The following IGFL2 variants were observed in gnomAD, a reference collection of about 807,000 sequenced individuals.
IGFL2 encodes insulin growth factor-like family member 2.
In IGFL2, 7 loss-of-function variants were observed where a neutral mutation model predicts 13.9. The observed-to-expected ratio is 0.51, with a 90% CI of 0.29 to 0.95. IGFL2 has a LOEUF of 0.95. IGFL2 is among the 40% of genes least tolerant of loss of function. The pLI is 0.08. For missense variants in IGFL2, 138 were observed against 147.8 expected (o/e 0.93, Z 0.34); for synonymous variants, 55 against 55.8 (o/e 0.99, Z 0.07).
At chr19:46,141,224 G>A (rs551369996), upstream of IGFL2, among the ~76,000 whole-genome samples, 113 of 152,236 alleles carry the variant, frequency 7.4e-4, no homozygotes, top group African/African-American at 2.5e-3. Flanking sequence ...TCACTGCCAG[G>A]CCAGCAAAAA....
the IGFL2 span, among the ~76,000 whole-genome samples, chr19:46,109,586 G>A: frequency 1.0e-3 from 153 of 152,250 alleles, no homozygotes; most frequent in African/African-American, 3.5e-3. Flanking sequence ...AAAGTGCTGG[G>A]ATTACAGGCG....
the IGFL2 span, among the ~76,000 whole-genome samples, chr19:46,191,592 G>C: frequency 2.0e-5 from 3 of 152,152 alleles, no homozygotes; most frequent in African/African-American, 7.2e-5. Flanking sequence ...CTCACCACCT[G>C]CAAGGAACAG....
chr19:46,088,245 A>G, the IGFL2 span, among the ~76,000 whole-genome samples: 1 of 152,212 alleles, frequency 6.6e-6, no homozygotes, highest in African/African-American at 2.4e-5. Flanking sequence ...TCTCCATAAA[A>G]GAGGCAAGTA....
chr19:46,092,457 C>A, the IGFL2 span, among the ~76,000 whole-genome samples: 1 of 151,880 alleles, frequency 6.6e-6, no homozygotes, highest in East Asian at 1.9e-4. Flanking sequence ...ATGGTAAAAC[C>A]CTGCCTGTAC....
chr19:46,182,953 A>G, the IGFL2 span, among the ~76,000 whole-genome samples: 120 of 151,518 alleles, frequency 7.9e-4, 2 homozygotes, highest in Middle Eastern at 0.017. Flanking sequence ...ACTCTTCTCA[A>G]TGCTTCCCAC....
At chr19:46,178,449 C>T in the IGFL2 span, among the ~76,000 whole-genome samples, 3 of 152,070 alleles carry the variant, frequency 2.0e-5, no homozygotes, top group Non-Finnish European at 4.4e-5. Context: ...TAAAATGGCC[C>T]TACAAAGCCA....
chr19:46,103,728 G>A, the IGFL2 span, among the ~76,000 whole-genome samples: 28 of 152,278 alleles, frequency 1.8e-4, no homozygotes, highest in Middle Eastern at 3.4e-3. Flanking sequence ...GGGTGAATGC[G>A]TAAAGCTTTG....
At chr19:46,198,469 G>T in the IGFL2 span, 1 of 151,914 alleles carries the variant, frequency 6.6e-6, no homozygotes, top group Non-Finnish European at 1.5e-5. Context: ...ATTCTGCCTC[G>T]GTATGTGGCT....
chr19:46,185,816 G>A, the IGFL2 span, among the ~76,000 whole-genome samples: 1 of 152,114 alleles, frequency 6.6e-6, no homozygotes, highest in Non-Finnish European at 1.5e-5. Flanking sequence ...TACTGAAGTT[G>A]TCGACAGAGG....
chr19:46,214,126 A>T, the IGFL2 span: 1 of 152,364 alleles, frequency 6.6e-6, no homozygotes, highest in Non-Finnish European at 1.5e-5. Context: ...ACCTTCCCCC[A>T]ACGCGAGGTA....
the IGFL2 span, among the ~76,000 whole-genome samples, chr19:46,192,451 G>A: frequency 1.4e-5 from 2 of 144,880 alleles, no homozygotes; most frequent in East Asian, 2.0e-4. Flanking sequence ...ATGGAGTCTC[G>A]CTCTGTCACC....
chr19:46,201,011 T>C, the IGFL2 span, among the ~76,000 whole-genome samples: 2 of 152,224 alleles, frequency 1.3e-5, no homozygotes, highest in Admixed American at 1.3e-4. Context: ...CAAGCAGTTA[T>C]ACCACCCAAT....
At chr19:46,149,200 C>T (rs1468782893) in intron 1 of IGFL2, among the ~76,000 whole-genome samples, 3 of 150,732 alleles carry the variant, frequency 2.0e-5, no homozygotes. Context: ...CTCTCTCCCT[C>T]TCTTTCTCTC....
chr19:46,158,552 G>A (rs563086633), intron 1 of IGFL2, among the ~76,000 whole-genome samples: 1 of 151,772 alleles, frequency 6.6e-6, no homozygotes, highest in Non-Finnish European at 1.5e-5. Context: ...TTTATTTTTG[G>A]GGGGGCGGGT....
chr19:46,147,328 C>T (rs1230130860), upstream of IGFL2, among the ~76,000 whole-genome samples: 2 of 152,182 alleles, frequency 1.3e-5, no homozygotes, highest in Non-Finnish European at 2.9e-5. Flanking sequence ...ACAGAATATA[C>T]TAGGCCCATA....
At chr19:46,147,775 T>A (rs538555295), upstream of IGFL2, 1 of 153,138 alleles carries the variant, frequency 6.5e-6, no homozygotes, top group Admixed American at 6.5e-5. Context: ...TGTCTCTGAG[T>A]CCATTCTTTG....
At chr19:46,110,022 T>C in the IGFL2 span, among the ~76,000 whole-genome samples, 18 of 152,226 alleles carry the variant, frequency 1.2e-4, no homozygotes, top group East Asian at 3.5e-3. Context: ...ATAACAAAGG[T>C]CACAAGACAT....
chr19:46,206,488 C>T, the IGFL2 span, among the ~76,000 whole-genome samples: 7 of 152,028 alleles, frequency 4.6e-5, no homozygotes, highest in Middle Eastern at 3.2e-3. Flanking sequence ...GTGTGTGGGG[C>T]GGGGTGAGGG....
intron 1 of IGFL2, among the ~76,000 whole-genome samples, chr19:46,153,813 A>G (rs748999577): frequency 1.4e-5 from 2 of 145,090 alleles, no homozygotes; most frequent in Non-Finnish European, 1.5e-5. Context: ...CAAATTATAT[A>G]TGTGTATATA....
Sources: allele counts gnomAD v4.1 joint callset (sites outside exome capture counted in the v4.1 genomes callset), GRCh38; gene constraint gnomAD v4.1.1; transcripts MANE v1.5; gene names NCBI Gene and HGNC (gene_info 2026-07-23, HGNC 2026-07-21).